The following DCC variants were observed in gnomAD, a reference collection of about 807,000 sequenced individuals.
DCC encodes the protein netrin receptor DCC.
DCC carries 58 observed loss-of-function variants against 172.5 expected under a neutral mutation model. That is an observed-to-expected ratio of 0.34 (90% CI 0.27 to 0.42). DCC has a LOEUF of 0.42. Among genes scored for constraint, DCC ranks in the 10% least tolerant of loss-of-function variants. The probability of loss-of-function intolerance (pLI) is 1.00; values close to 1 mark genes in which losing one functional copy is unlikely to be tolerated. For missense variants in DCC, 1,740 were observed against 1,791.0 expected (o/e 0.97, Z 0.51); for synonymous variants, 709 against 644.5 (o/e 1.10, Z -1.52).
chr18:52,515,928 G>GAAAAAAAAAAAAAAAAAAAAAAAAGAA (rs34820684), intron 1 of DCC, among the ~76,000 whole-genome samples: 1 of 115,066 alleles, frequency 8.7e-6, no homozygotes, highest in Non-Finnish European at 1.7e-5. Context: ...TTAGAAAATG[G>GAAAAAAAAAAAAAAAAAAAAAAAAGAA]AAAAAAAAAA....
intron 1 of DCC, among the ~76,000 whole-genome samples, chr18:52,355,975 A>G (rs1041717139): frequency 3.3e-5 from 5 of 152,144 alleles, no homozygotes; most frequent in African/African-American, 9.7e-5. Flanking sequence ...AAAAAAAATG[A>G]TGGTGATACT....
Position 53,092,895 on chromosome 18 carries a change from C to T in DCC, c.1261+26729C>T, listed in dbSNP as rs551250311. Among the ~76,000 whole-genome samples the T allele has an allele frequency of 4.6e-5, 7 of 152,014 alleles. No homozygotes were observed. In the South Asian group the frequency reaches 1.0e-3, roughly 23 times the overall value. On this transcript the variant is annotated intron_variant, in intron 7 of 28. Coordinates refer to ENST00000442544, the MANE Select transcript of DCC (RefSeq NM_005215.4). ...TGTACACACACACACACAATCTAGGCAATTTTAATGCTAGCAACTGAATCA... is the reference window on the plus strand; with the variant it reads ...TGTACACACACACACACAATCTAGGTAATTTTAATGCTAGCAACTGAATCA...
intron 12 of DCC, among the ~76,000 whole-genome samples, chr18:53,268,850 A>G (rs879865743): frequency 2.6e-5 from 4 of 152,146 alleles, no homozygotes; most frequent in Non-Finnish European, 4.4e-5. Flanking sequence ...TGCAGTGAGG[A>G]ACTGTAGGGA....
At chr18:52,899,682 G>C (rs1334976899) in intron 2 of DCC, among the ~76,000 whole-genome samples, 2 of 151,324 alleles carry the variant, frequency 1.3e-5, no homozygotes, top group Non-Finnish European at 2.9e-5. Flanking sequence ...TTTTTATAGA[G>C]ACAGAATCTC....
intron 12 of DCC, among the ~76,000 whole-genome samples, chr18:53,224,707 A>G (rs2055997224): frequency 6.6e-6 from 1 of 152,216 alleles, no homozygotes; most frequent in African/African-American, 2.4e-5. Context: ...GGCAGAAGGC[A>G]GAGCAAGATC....
In DCC at chr18:52,718,438, T is replaced by C. The variant is rs79236494; in HGVS notation, c.92-33616T>C. Among the ~76,000 whole-genome samples the C allele has an allele frequency of 9.9e-3, 1,511 of 152,314 alleles. 34 individuals are homozygous for C. Among genetic ancestry groups the C allele is most frequent in the African/African-American group, 0.035 (1,454 of 41,576 alleles). ...TTTGTCTGCATTTAGACCACAGCAT[T>C]GCCACCCTTTGAAGTTGCCTTATTT... On this transcript the variant is annotated intron_variant, in intron 1 of 28. Transcript: ENST00000442544.
At chr18:52,366,521 C>T (rs1383141473) in intron 1 of DCC, among the ~76,000 whole-genome samples, 3 of 152,074 alleles carry the variant, frequency 2.0e-5, no homozygotes, top group African/African-American at 7.2e-5. Flanking sequence ...TTCTCCACAT[C>T]CCCATCAGAT....
chr18:53,189,132 T>G (rs532293412), intron 9 of DCC, among the ~76,000 whole-genome samples: 3 of 152,160 alleles, frequency 2.0e-5, no homozygotes, highest in Admixed American at 1.3e-4. Context: ...CTGAGCAAAC[T>G]ATGAAGTATA....
At chr18:53,106,265 G>T (rs1371355072) in intron 7 of DCC, among the ~76,000 whole-genome samples, 2 of 151,804 alleles carry the variant, frequency 1.3e-5, no homozygotes, top group Non-Finnish European at 2.9e-5. Context: ...AGCACATTTT[G>T]CCATCTGCCA....
rs182591715 is a variant in DCC at position 53,075,583 on chromosome 18, C to T, written c.1261+9417C>T. ...TTTTAGCTCTCTAGAGTAGAAAAAG[C>T]GGAAGAGAAGAATGCTGGTTTTTAT... On this transcript the variant is annotated intron_variant, in intron 7 of 28. Transcript: ENST00000442544. Among the ~76,000 whole-genome samples, 18 of 146,372 alleles carry T rather than the reference C, an allele frequency of 1.2e-4. No homozygotes were observed. The South Asian group carries it at 2.8e-3, about 23-fold the overall frequency.
intron 7 of DCC, among the ~76,000 whole-genome samples, chr18:53,093,313 G>A (rs181408981): frequency 1.1e-4 from 17 of 152,050 alleles, no homozygotes; most frequent in African/African-American, 4.1e-4. Context: ...ATAATAAAAT[G>A]TGCTTACATA....
At chr18:53,516,546 A>G (rs1406467544) in intron 27 of DCC, among the ~76,000 whole-genome samples, 1 of 150,768 alleles carries the variant, frequency 6.6e-6, no homozygotes, top group Admixed American at 6.6e-5. Context: ...TTTGCAACCT[A>G]CTCATCTGAC....
Position 53,534,824 on chromosome 18 carries a change from C to T in DCC, c.*4171C>T, listed in dbSNP as rs1478037165. 5 of 152,220 alleles carry T rather than the reference C, an allele frequency of 3.3e-5. No homozygotes were observed. The highest frequency in any genetic ancestry group is 3.3e-4 in the Admixed American group (5 of 15,284). The allele number at this position is 152,220 out of a possible 1,614,324, so 9.4% of individuals were successfully genotyped here. ...CACCCATATCAGCAAATGAATATTACTACTCATCTGGACTCTTCGTTGCCA... is the reference window on the plus strand; with the variant it reads ...CACCCATATCAGCAAATGAATATTATTACTCATCTGGACTCTTCGTTGCCA... On this transcript the variant is annotated 3_prime_UTR_variant, in exon 29 of 29. Transcript: ENST00000442544.
rs572923909 is a variant in DCC at position 52,401,175 on chromosome 18, G to T, written c.91+60297G>T. Among the ~76,000 whole-genome samples, 5 of 152,104 alleles carry T rather than the reference G, an allele frequency of 3.3e-5. No individual in the cohort carries two copies. In the East Asian group the frequency reaches 9.7e-4, roughly 30 times the overall value. Reference sequence around the variant, plus strand: ...AAATTCTGCTGGCCCTTGAAACCCAGAAGAAAGGGTTACTATTTGGGACCG... The same window carrying T: ...AAATTCTGCTGGCCCTTGAAACCCATAAGAAAGGGTTACTATTTGGGACCG... On this transcript the variant is annotated intron_variant, in intron 1 of 28. Coordinates refer to ENST00000442544, the MANE Select transcript of DCC (RefSeq NM_005215.4).
chr18:52,506,205 T>G (rs1390856762), intron 1 of DCC, among the ~76,000 whole-genome samples: 1 of 152,154 alleles, frequency 6.6e-6, no homozygotes, highest in East Asian at 1.9e-4. Context: ...AATCCTATAC[T>G]ATGTCATACA....
intron 2 of DCC, among the ~76,000 whole-genome samples, chr18:52,903,628 T>C (rs1374854768): frequency 6.6e-6 from 1 of 152,238 alleles, no homozygotes; most frequent in East Asian, 1.9e-4. Flanking sequence ...ATATATTAAA[T>C]ACATAACTTG....
intron 2 of DCC, among the ~76,000 whole-genome samples, chr18:52,786,765 A>AG (rs897042323): frequency 1.8e-4 from 27 of 152,212 alleles, no homozygotes; most frequent in African/African-American, 6.3e-4. Context: ...ACCACAGGTT[A>AG]GGAACCCTGT....
intron 15 of DCC, among the ~76,000 whole-genome samples, chr18:53,344,519 T>C (rs2057700441): frequency 6.9e-6 from 1 of 144,662 alleles, no homozygotes; most frequent in Admixed American, 7.4e-5. Flanking sequence ...CTTGGCTCAC[T>C]TCTACCTCTG....
chr18:53,339,754 C>T lies in DCC; in HGVS notation c.2206C>T (p.Pro736Ser). 6.2e-7 allele frequency: 1 copy of T among 1,613,860 alleles called. No homozygotes were observed. ...PDQPSSLHVR[P>S]QTNCIIMSWT... The stretch of plus-strand genomic sequence containing the variant: ...TCAACCAAGCTCTCTTCATGTGAGG[C>T]CCCAGACTAACTGCATCATCATGAG... The change falls in exon 15 of 29, where the codon CCC (proline) becomes TCC (serine). Residue 736 changes from proline to serine, a missense_variant. Physicochemically the swap from Pro to Ser is moderately conservative, Grantham distance 74. This residue lies in a region of DCC where 1,732 missense variants were observed against 1,767.4 expected (regional missense o/e 0.98). Transcript: ENST00000442544.
Sources: allele counts gnomAD v4.1 joint callset (sites outside exome capture counted in the v4.1 genomes callset), GRCh38; gene constraint gnomAD v4.1.1; regional missense constraint gnomAD v4.1.1; transcripts MANE v1.5; gene names NCBI Gene and HGNC (gene_info 2026-07-23, HGNC 2026-07-21).